The following AP2S1 variants were observed in gnomAD, a reference collection of about 807,000 sequenced individuals.
AP2S1 encodes the protein adaptor related protein complex 2 subunit sigma 1, also known as AP-2 complex subunit sigma.
In AP2S1, 6 loss-of-function variants were observed where a neutral mutation model predicts 21.0. That is an observed-to-expected ratio of 0.29 (90% CI 0.16 to 0.56). The LOEUF (loss-of-function observed/expected upper bound fraction) is 0.56, where lower values mean the gene tolerates loss of function less well. Among genes scored for constraint, AP2S1 ranks in the 20% least tolerant of loss-of-function variants. AP2S1 has a pLI of 0.92. For synonymous variants in AP2S1, 63 were observed against 74.6 expected (o/e 0.84, Z 0.80); for missense variants, 60 against 186.2 (o/e 0.32, Z 3.95).
chr19:46,848,833 C>T (rs2055681626), intron 1 of AP2S1, among the ~76,000 whole-genome samples: 1 of 152,152 alleles, frequency 6.6e-6, no homozygotes, highest in African/African-American at 2.4e-5. Context: ...CTGCCTCAGC[C>T]TCCTAAGTAC....
In AP2S1 at chr19:46,846,065, CTCA is replaced by C; in HGVS notation, c.78_80del (p.Asp26del). On this transcript the variant is annotated inframe_deletion, in exon 2 of 5. Transcript: ENST00000263270. ...GCACCTCCTCGATCAGCTTCTGTTTCTCATCATCATCAAACTGCATGTACCACT... is the reference window on the plus strand; with the variant it reads ...GCACCTCCTCGATCAGCTTCTGTTTCTCATCATCAAACTGCATGTACCACT... 6.2e-7 allele frequency: 1 copy of C among 1,614,142 alleles called. No individual in the cohort carries two copies. The highest frequency in any genetic ancestry group is 8.5e-7 in the Non-Finnish European group (1 of 1,180,038).
intron 2 of AP2S1, among the ~76,000 whole-genome samples, chr19:46,839,955 T>C (rs1476581093): frequency 1.3e-5 from 2 of 152,130 alleles, no homozygotes; most frequent in African/African-American, 4.8e-5. Context: ...TGTTCAATAG[T>C]GTCCATGCAA....
chr19:46,842,594 C>G (rs2055542503), intron 2 of AP2S1, among the ~76,000 whole-genome samples: 2 of 152,148 alleles, frequency 1.3e-5, no homozygotes, highest in African/African-American at 4.8e-5. Context: ...CCCAGCCGGA[C>G]TTTCCGGCTG....
chr19:46,843,267 T>A (rs529946878), intron 2 of AP2S1, among the ~76,000 whole-genome samples: 1 of 152,200 alleles, frequency 6.6e-6, no homozygotes, highest in African/African-American at 2.4e-5. Flanking sequence ...GTCACCAGCA[T>A]CTCCCACCTG....
At chr19:46,845,968 G>A (rs1257366955) in intron 2 of AP2S1, 25 bp downstream of exon 2, 2 of 1,613,722 alleles carry the variant, frequency 1.2e-6, no homozygotes, top group East Asian at 2.2e-5. Context: ...GCAGCGGGGT[G>A]CAGGAGGCAT....
At chr19:46,843,292 C>T (rs2055561176) in intron 2 of AP2S1, among the ~76,000 whole-genome samples, 1 of 152,212 alleles carries the variant, frequency 6.6e-6, no homozygotes, top group South Asian at 2.1e-4. Flanking sequence ...ACTGCAGCCA[C>T]CTCTCTCCGA....
At chr19:46,840,615 G>A (rs1444502970) in intron 2 of AP2S1, among the ~76,000 whole-genome samples, 5 of 151,936 alleles carry the variant, frequency 3.3e-5, no homozygotes, top group East Asian at 1.9e-4. Context: ...ACTCCAGCCC[G>A]GGAGACCCTG....
At chr19:46,839,437 C>A in intron 3 of AP2S1, 28 bp downstream of exon 3, 1 of 1,573,426 alleles carries the variant, frequency 6.4e-7, no homozygotes, top group South Asian at 1.1e-5. Context: ...CACCCGCCTC[C>A]CCACCTTACA....
chr19:46,838,239 T>C lies in AP2S1; in HGVS notation c.*208A>G, dbSNP rs565674271. On this transcript the variant is annotated 3_prime_UTR_variant, in exon 5 of 5. Transcript: ENST00000263270. This position sits in a 1 kb window ranked among gnomAD's most constrained non-coding sequence, Gnocchi z 4.1. ...ATGGCATCACACGACAACGGCACGG[T>C]TACTCGGGACACACACGGTGGCCTC... The C allele has an allele frequency of 1.7e-6, 1 of 591,848 alleles. No homozygotes were observed. The highest frequency in any genetic ancestry group is 1.9e-5 in the African/African-American group (1 of 53,740). The allele number at this position is 591,848 out of a possible 1,614,324, so 36.7% of individuals were successfully genotyped here.
intron 1 of AP2S1, among the ~76,000 whole-genome samples, chr19:46,847,954 C>A (rs1334120811): frequency 6.6e-6 from 1 of 152,146 alleles, no homozygotes; most frequent in African/African-American, 2.4e-5. Context: ...AGATTGCTGG[C>A]TCATAGGGTA....
chr19:46,842,043 T>C (rs1201448853), intron 2 of AP2S1, among the ~76,000 whole-genome samples: 1 of 151,996 alleles, frequency 6.6e-6, no homozygotes, highest in Non-Finnish European at 1.5e-5. Context: ...TAGTTGGGCG[T>C]GGTGGCAGGT....
chr19:46,847,560 C>T (rs187990463), intron 1 of AP2S1, among the ~76,000 whole-genome samples: 3 of 152,224 alleles, frequency 2.0e-5, no homozygotes, highest in East Asian at 1.9e-4. Flanking sequence ...AGAACATTTT[C>T]ATCATCTCCC....
intron 2 of AP2S1, among the ~76,000 whole-genome samples, chr19:46,845,413 G>GTAAT (rs112340362): frequency 1.2e-3 from 172 of 149,304 alleles, no homozygotes; most frequent in Admixed American, 1.7e-3. Context: ...CTCAAAAAAA[G>GTAAT]TAATTAATTA....
chr19:46,841,294 G>C (rs767502058), intron 2 of AP2S1, among the ~76,000 whole-genome samples: 1 of 152,118 alleles, frequency 6.6e-6, no homozygotes, highest in Non-Finnish European at 1.5e-5. Context: ...TGTAATCCAC[G>C]GGTAAATGAG....
chr19:46,844,452 T>C (rs2055584199), intron 2 of AP2S1, among the ~76,000 whole-genome samples: 8 of 152,148 alleles, frequency 5.3e-5, no homozygotes, highest in Admixed American at 5.2e-4. Context: ...GTCCTTCAGG[T>C]CTTGGCTCCA....
At chr19:46,839,427 C>CCCCCCCCCCCCCCCCCAAAAA in intron 3 of AP2S1, 38 bp downstream of exon 3, 5 of 1,505,490 alleles carry the variant, frequency 3.3e-6, no homozygotes, top group Non-Finnish European at 4.6e-6. Context: ...CAGGGCTGCC[C>CCCCCCCCCCCCCCCCCAAAAA]ACCCGCCTCC....
At chr19:46,844,071 CG>C (rs2055575831) in intron 2 of AP2S1, among the ~76,000 whole-genome samples, 1 of 151,962 alleles carries the variant, frequency 6.6e-6, no homozygotes, top group African/African-American at 2.4e-5. Context: ...CGACCAGGCC[CG>C]GCTAATTTTT....
intron 2 of AP2S1, among the ~76,000 whole-genome samples, chr19:46,841,321 G>A (rs564412760): frequency 6.6e-6 from 1 of 152,156 alleles, no homozygotes; most frequent in South Asian, 2.1e-4. Context: ...CTGATCATCA[G>A]TGCTCCTCTC....
chr19:46,850,329 G>A (rs2055715904), intron 1 of AP2S1: 1 of 1,241,656 alleles, frequency 8.1e-7, no homozygotes, highest in Non-Finnish European at 1.0e-6. Context: ...CTCCCATCAA[G>A]AAAACCTCCC....
Sources: gnomAD v4.1 joint callset for allele counts (sites outside exome capture counted in the v4.1 genomes callset) on GRCh38, gnomAD v4.1.1 for gene constraint, Gnocchi (gnomAD v3.1) non-coding constraint, MANE v1.5 for transcripts, NCBI Gene and HGNC (gene_info 2026-07-23, HGNC 2026-07-21) for gene names.